Variants in TBC1D5 observed in about 807,000 individuals in gnomAD.
The protein encoded by TBC1D5 is TBC1 domain family, member 5.
A neutral mutation model predicts 100.3 loss-of-function variants in TBC1D5; 75 were observed. The ratio of observed to expected loss-of-function variants is 0.75; its 90% CI spans 0.62 to 0.91. TBC1D5 has a LOEUF of 0.91. Ranked by LOEUF, TBC1D5 falls within the 40% of genes least tolerant of loss-of-function variation. The pLI is 0.00. For missense variants in TBC1D5, 910 were observed against 942.4 expected, an observed-to-expected ratio of 0.97 and a Z score of 0.45; for synonymous variants, 323 against 325.6, an observed-to-expected ratio of 0.99 and a Z score of 0.09.
intron 3 of TBC1D5, among the ~76,000 whole-genome samples, chr3:17,504,484 T>C (rs1290681576): frequency 6.6e-6 from 1 of 152,094 alleles, no homozygotes; most frequent in Non-Finnish European, 1.5e-5. Flanking sequence ...GATTATATAT[T>C]GTTGAATGCT....
At chr3:17,688,361 A>G (rs1436693585) in intron 1 of TBC1D5, among the ~76,000 whole-genome samples, 1 of 152,152 alleles carries the variant, frequency 6.6e-6, no homozygotes, top group African/African-American at 2.4e-5. Context: ...AATTGTAACT[A>G]AATTTTACTT....
chr3:17,451,268 CA>C (rs1159469523), intron 3 of TBC1D5, among the ~76,000 whole-genome samples: 2 of 152,134 alleles, frequency 1.3e-5, no homozygotes, highest in Admixed American at 1.3e-4. Context: ...CCACCCACTG[CA>C]AAAACATACC....
At chr3:17,483,373 C>A (rs2150360522) in intron 3 of TBC1D5, among the ~76,000 whole-genome samples, 1 of 151,854 alleles carries the variant, frequency 6.6e-6, no homozygotes, top group South Asian at 2.1e-4. Context: ...CCATAAATTT[C>A]TACAGAAGGT....
chr3:17,255,283 C>T (rs1368458912), intron 16 of TBC1D5, among the ~76,000 whole-genome samples: 2 of 152,182 alleles, frequency 1.3e-5, no homozygotes, highest in African/African-American at 4.8e-5. Context: ...TCACTGCAAC[C>T]TCCACCTCCT....
chr3:17,665,024 C>T (rs2067085684), intron 1 of TBC1D5: 1 of 86,704 alleles, frequency 1.2e-5, no homozygotes. Flanking sequence ...CGGAAAGCCC[C>T]GCTATTTAAA....
At chr3:17,560,629 AG>A (rs1302216128) in intron 2 of TBC1D5, among the ~76,000 whole-genome samples, 6 of 61,442 alleles carry the variant, frequency 9.8e-5, no homozygotes, top group Admixed American at 1.5e-4. Flanking sequence ...TAAAAAAAAA[AG>A]GGGGGGTGGG....
chr3:17,669,946 C>T (rs1283537991), intron 1 of TBC1D5, among the ~76,000 whole-genome samples: 3 of 152,158 alleles, frequency 2.0e-5, no homozygotes, highest in Admixed American at 6.5e-5. Flanking sequence ...AGTGCAATGG[C>T]GCGATCTCGG....
chr3:17,584,062 T>C (rs188263082), intron 2 of TBC1D5, among the ~76,000 whole-genome samples: 6 of 152,318 alleles, frequency 3.9e-5, no homozygotes, highest in African/African-American at 1.2e-4. Flanking sequence ...TGAAATATTA[T>C]GTTAAACGAA....
chr3:17,451,962 C>T (rs1180742653), intron 3 of TBC1D5, among the ~76,000 whole-genome samples: 1 of 151,948 alleles, frequency 6.6e-6, no homozygotes, highest in Non-Finnish European at 1.5e-5. Context: ...GAACACCAAG[C>T]AGATTTAACC....
intron 15 of TBC1D5, among the ~76,000 whole-genome samples, chr3:17,285,873 C>T (rs1057109129): frequency 1.2e-4 from 18 of 152,068 alleles, no homozygotes; most frequent in Admixed American, 1.1e-3. Context: ...TCAGAACTGG[C>T]CAAGCATTGT....
chr3:17,432,497 T>G, intron 3 of TBC1D5, among the ~76,000 whole-genome samples: 1 of 152,188 alleles, frequency 6.6e-6, no homozygotes, highest in East Asian at 1.9e-4. Flanking sequence ...TAATTACTTA[T>G]GCTAAAAATC....
chr3:17,383,963 C>G, exon 9 of TBC1D5: 1 of 1,603,612 alleles, frequency 6.2e-7, no homozygotes, highest in Non-Finnish European at 8.5e-7. Flanking sequence ...AAAAGAACAT[C>G]TGTAAGAATT....
chr3:17,534,017 G>A (rs1030438437), intron 2 of TBC1D5, among the ~76,000 whole-genome samples: 14 of 152,064 alleles, frequency 9.2e-5, no homozygotes, highest in South Asian at 2.1e-4. Context: ...GAAACCTGTC[G>A]TGATGTTTTC....
chr3:17,725,316 G>T (rs1329532298), intron 1 of TBC1D5, among the ~76,000 whole-genome samples: 1 of 151,966 alleles, frequency 6.6e-6, no homozygotes, highest in Non-Finnish European at 1.5e-5. Context: ...TTGGTACCAG[G>T]CAAAGTAAAA....
Position 17,674,716 on chromosome 3 carries a change from CTTTG to C in TBC1D5, c.-100-50807_-100-50804del, listed in dbSNP as rs892861572. ...GCACTGGGTTTGAGCTTTTCATAAA[CTTTG>C]TTTGTGTATACAAGATTCAATATAA... is the stretch of plus-strand genomic sequence containing the variant. On this transcript the variant is annotated intron_variant, in intron 1 of 21. Transcript: ENST00000253692. Among the ~76,000 whole-genome samples, 10 of 151,998 alleles carry C rather than the reference CTTTG, an allele frequency of 6.6e-5. No homozygotes were observed. In the East Asian group the frequency reaches 7.7e-4, roughly 12 times the overall value.
At chr3:17,408,987 A>C (rs1396108956) in intron 4 of TBC1D5, among the ~76,000 whole-genome samples, 1 of 152,162 alleles carries the variant, frequency 6.6e-6, no homozygotes, top group Non-Finnish European at 1.5e-5. Context: ...ATATACTGAT[A>C]TCTCATAATG....
intron 2 of TBC1D5, among the ~76,000 whole-genome samples, chr3:17,566,725 A>G (rs1177115907): frequency 6.6e-6 from 1 of 151,906 alleles, no homozygotes; most frequent in Non-Finnish European, 1.5e-5. Flanking sequence ...ATGCATATAT[A>G]CATAAATAAA....
chr3:17,356,328 G>T (rs971064238), intron 13 of TBC1D5, among the ~76,000 whole-genome samples: 1 of 152,128 alleles, frequency 6.6e-6, no homozygotes, highest in East Asian at 1.9e-4. Context: ...TTTCGATAGA[G>T]AATCTTTCAG....
At chr3:17,324,885 G>A (rs902392710) in intron 13 of TBC1D5, among the ~76,000 whole-genome samples, 1 of 151,958 alleles carries the variant, frequency 6.6e-6, no homozygotes, top group Non-Finnish European at 1.5e-5. Flanking sequence ...GCAAAAAACG[G>A]CAATGAGATA....
Sources: allele counts gnomAD v4.1 joint callset (sites outside exome capture counted in the v4.1 genomes callset), GRCh38; gene constraint gnomAD v4.1.1; transcripts MANE v1.5; gene names NCBI Gene and HGNC (gene_info 2026-07-23, HGNC 2026-07-21).